The following GREB1 variants were observed in gnomAD, a reference collection of about 807,000 sequenced individuals.
GREB1 encodes the protein growth regulating estrogen receptor binding 1, also known as protein GREB1.
In GREB1, 106 loss-of-function variants were observed where a neutral mutation model predicts 200.7. The ratio of observed to expected loss-of-function variants is 0.53; its 90% CI spans 0.45 to 0.62. The LOEUF is 0.62. Among genes scored for constraint, GREB1 ranks in the 20% least tolerant of loss-of-function variants. The pLI, the probability that GREB1 is intolerant of heterozygous loss-of-function variation, is 0.00. For missense variants in GREB1, 2,243 were observed against 2,556.8 expected, an observed-to-expected ratio of 0.88 and a Z score of 2.65; for synonymous variants, 1,132 against 1,092.4, an observed-to-expected ratio of 1.04 and a Z score of -0.72.
At chr2:11,570,536 A>T (rs915133499) in intron 4 of GREB1, among the ~76,000 whole-genome samples, 6 of 150,186 alleles carry the variant, frequency 4.0e-5, no homozygotes, top group African/African-American at 1.2e-4. Context: ...TTTTTTTTTT[A>T]AAGCAATTGG....
intron 23 of GREB1, among the ~76,000 whole-genome samples, chr2:11,623,832 T>G (rs1232041847): frequency 6.6e-6 from 1 of 152,036 alleles, no homozygotes; most frequent in Non-Finnish European, 1.5e-5. Context: ...GAGATTGCAG[T>G]GAGCTGAGAT....
At chr2:11,551,370 GAA>G (rs1485570337) in intron 1 of GREB1, among the ~76,000 whole-genome samples, 1 of 152,200 alleles carries the variant, frequency 6.6e-6, no homozygotes, top group African/African-American at 2.4e-5. Flanking sequence ...AGGTCCTATT[GAA>G]AGAGTGTCTG....
chr2:11,608,693 G>T (rs1682635388), intron 17 of GREB1, among the ~76,000 whole-genome samples: 2 of 152,240 alleles, frequency 1.3e-5, no homozygotes, highest in African/African-American at 4.8e-5. Flanking sequence ...ACTCCGAGGT[G>T]TTCCATATTG....
intron 17 of GREB1, among the ~76,000 whole-genome samples, chr2:11,608,352 ATC>A (rs1682600653): frequency 1.3e-5 from 2 of 152,130 alleles, no homozygotes; most frequent in Non-Finnish European, 2.9e-5. Flanking sequence ...AAATTCTGTC[ATC>A]TGTGTCATTC....
At chr2:11,526,051 G>A (rs1673862647) in intron 1 of GREB1, among the ~76,000 whole-genome samples, 1 of 152,188 alleles carries the variant, frequency 6.6e-6, no homozygotes, top group African/African-American at 2.4e-5. Flanking sequence ...TTTCATCAAA[G>A]GCTTTCTTTT....
Position 11,597,787 on chromosome 2 carries a change from A to G in GREB1, c.1961A>G (p.Asn654Ser), listed in dbSNP as rs535745391. 7.4e-6 allele frequency: 12 copies of G among 1,614,120 alleles called. No homozygotes were observed. In the African/African-American group the frequency reaches 9.3e-5, roughly 13 times the overall value. ...VSGTPVCTSYNLEPHSIRPFQ... is the reference protein window; with the variant it reads ...VSGTPVCTSYSLEPHSIRPFQ... ...CCTGGGGCTCTGGTTCCAGGTTACA[A>G]TCTGGAGCCACACAGCATCCGGCCC... is the stretch of plus-strand genomic sequence containing the variant. Residue 654 changes from asparagine to serine, a missense_variant, in exon 14 of 33, where the codon AAT becomes AGT. Physicochemically the swap from Asn to Ser is conservative, Grantham distance 46. This residue lies in a region of GREB1 where 1,178 missense variants were observed against 1,387.4 expected (regional missense o/e 0.85). Coordinates refer to ENST00000381486, the MANE Select transcript of GREB1 (RefSeq NM_014668.4). This position sits in a 1 kb window ranked among gnomAD's most constrained non-coding sequence, Gnocchi z 4.1.
rs572757934 is a variant in GREB1, at chr2:11,618,298, C to T, written c.3423C>T (p.Leu1141=). The change falls in exon 22 of 33, where the codon CTC becomes CTT. Residue 1141 remains leucine, a synonymous_variant. Transcript: ENST00000381486. ...TTCGTCTCTCCTCAGGTTCAGCGCTCGGTGGCGAGTCCTCGGCTCAGCCCA... is the reference window on the plus strand; with the variant it reads ...TTCGTCTCTCCTCAGGTTCAGCGCTTGGTGGCGAGTCCTCGGCTCAGCCCA... ...SLSSKASGSA[L]GGESSAQPTA... 2.6e-5 allele frequency: 40 copies of T among 1,565,760 alleles called. No homozygotes were observed. Among genetic ancestry groups the T allele is most frequent in the East Asian group, 2.3e-4 (10 of 44,336 alleles).
intron 4 of GREB1, 58 bp from the exon 5 acceptor site, chr2:11,576,295 G>T: frequency 4.3e-6 from 6 of 1,400,916 alleles, no homozygotes; most frequent in Non-Finnish European, 5.9e-6. Context: ...TGACAAGAAC[G>T]AGACTTCATC....
rs964362451 is a variant in GREB1, at chr2:11,580,235, C to T, written c.773-469C>T. Reference sequence around the variant, plus strand: ...GCTGCAATTCAAAGTGGAATTTGGGCGGGGACACAGCCAAACCGTATCAAC... The same window carrying T: ...GCTGCAATTCAAAGTGGAATTTGGGTGGGGACACAGCCAAACCGTATCAAC... On this transcript the variant is annotated intron_variant, in intron 6 of 32. Coordinates refer to ENST00000381486, the MANE Select transcript of GREB1 (RefSeq NM_014668.4). This position sits in a 1 kb window ranked among gnomAD's most constrained non-coding sequence, Gnocchi z 4.5. Among the ~76,000 whole-genome samples the T allele has an allele frequency of 9.2e-5, 14 of 152,196 alleles. No homozygotes were observed. Among genetic ancestry groups the T allele is most frequent in the African/African-American group, 2.6e-4 (11 of 41,518 alleles).
At chr2:11,510,988 G>A (rs1673334319) in intron 1 of GREB1, among the ~76,000 whole-genome samples, 1 of 152,108 alleles carries the variant, frequency 6.6e-6, no homozygotes, top group South Asian at 2.1e-4. Context: ...TGAACGTATG[G>A]ATTTTTAAAA....
chr2:11,581,024 G>A, intron 7 of GREB1, 192 bp downstream of exon 7: 1 of 731,064 alleles, frequency 1.4e-6, no homozygotes, highest in East Asian at 2.7e-5. Context: ...TGCTCTATGA[G>A]TGACACTTGG....
At chr2:11,508,291 C>G (rs546940464) in intron 1 of GREB1, among the ~76,000 whole-genome samples, 141 of 152,348 alleles carry the variant, frequency 9.3e-4, no homozygotes, top group African/African-American at 3.1e-3. Context: ...CAGGAAAACC[C>G]TCCACATTTT....
At chr2:11,622,076 C>T (rs1365548908) in intron 23 of GREB1, among the ~76,000 whole-genome samples, 2 of 151,482 alleles carry the variant, frequency 1.3e-5, no homozygotes, top group African/African-American at 2.5e-5. Context: ...GTGACACACA[C>T]AGAGCACCAA....
chr2:11,519,449 G>GTT (rs70955804), intron 1 of GREB1, among the ~76,000 whole-genome samples: 3,511 of 76,776 alleles, frequency 0.046, 77 homozygotes, highest in East Asian at 0.07. Flanking sequence ...ACTTGTTTTG[G>GTT]TTTTTTTTTT....
chr2:11,513,016 G>A (rs957482999), intron 1 of GREB1, among the ~76,000 whole-genome samples: 9 of 152,166 alleles, frequency 5.9e-5, no homozygotes, highest in African/African-American at 2.2e-4. Context: ...GTCCGCCTGG[G>A]AATGGAGATT....
At chr2:11,538,617 CTTT>C (rs1674414381) in intron 1 of GREB1, among the ~76,000 whole-genome samples, 1 of 5,636 alleles carries the variant, frequency 1.8e-4, no homozygotes, top group Non-Finnish European at 5.2e-4. Flanking sequence ...GTGTTTCTTT[CTTT>C]CTTTCTTTCT....
In GREB1 at chr2:11,588,372, A is replaced by G. The variant is rs544378027; in HGVS notation, c.1160-374A>G. The G allele has an allele frequency of 5.3e-5, 43 of 815,508 alleles. No individual in the cohort carries two copies. The South Asian group carries it at 8.5e-4, about 16-fold the overall frequency. The allele number at this position is 815,508 out of a possible 1,614,324, so 50.5% of individuals were successfully genotyped here. A position where few individuals can be genotyped will look rare whatever the true frequency, so the allele number is the denominator to read the frequency against. On this transcript the variant is annotated intron_variant, in intron 9 of 32. Transcript: ENST00000381486. ...AGGCAAGACCTGGCAGGCAGCACCC[A>G]GTGAAGCTCTGGAAGGTGCTCTGCC...
At chr2:11,618,963 G>A (rs767121324) in intron 22 of GREB1, 44 bp downstream of exon 22, 9 of 1,435,606 alleles carry the variant, frequency 6.3e-6, no homozygotes, top group Middle Eastern at 1.9e-4. Flanking sequence ...GACTGGGGGG[G>A]TCCTCACACT....
At chr2:11,504,797 C>A (rs145335504) in intron 1 of GREB1, among the ~76,000 whole-genome samples, 1 of 152,168 alleles carries the variant, frequency 6.6e-6, no homozygotes, top group Non-Finnish European at 1.5e-5. Context: ...ATGAATAATT[C>A]GACATTACTT....
Sources: allele counts gnomAD v4.1 joint callset (sites outside exome capture counted in the v4.1 genomes callset), GRCh38; gene constraint gnomAD v4.1.1; regional missense constraint gnomAD v4.1.1; non-coding constraint Gnocchi (gnomAD v3.1); transcripts MANE v1.5; gene names NCBI Gene and HGNC (gene_info 2026-07-23, HGNC 2026-07-21).